SERPINI1: variants seen among roughly 807,000 people sequenced by gnomAD.
SERPINI1 encodes the protein neuroserpin.
SERPINI1 carries 19 observed loss-of-function variants against 41.1 expected under a neutral mutation model. The ratio of observed to expected loss-of-function variants is 0.46; its 90% CI spans 0.32 to 0.68. The LOEUF (loss-of-function observed/expected upper bound fraction) is 0.68, where lower values mean the gene tolerates loss of function less well. Among genes scored for constraint, SERPINI1 ranks in the 30% least tolerant of loss-of-function variants. The pLI is 0.03. For synonymous variants in SERPINI1, 138 were observed against 156.6 expected, an observed-to-expected ratio of 0.88 and a Z score of 0.89; for missense variants, 460 against 479.2, an observed-to-expected ratio of 0.96 and a Z score of 0.37.
At chr3:167,775,997 A>G (rs1468935874) in intron 1 of SERPINI1, among the ~76,000 whole-genome samples, 1 of 152,202 alleles carries the variant, frequency 6.6e-6, no homozygotes, top group African/African-American at 2.4e-5. Flanking sequence ...TCTCACCTAC[A>G]AAATGGGGGG....
At chr3:167,798,438 T>C (rs1304445843) in intron 5 of SERPINI1, among the ~76,000 whole-genome samples, 1 of 152,182 alleles carries the variant, frequency 6.6e-6, no homozygotes, top group Non-Finnish European at 1.5e-5. Context: ...TATGTTACAA[T>C]AATCAGTGTG....
At chr3:167,788,634 A>G (rs1015931819) in intron 1 of SERPINI1, among the ~76,000 whole-genome samples, 2 of 152,212 alleles carry the variant, frequency 1.3e-5, no homozygotes, top group South Asian at 2.1e-4. Flanking sequence ...TGAGGCAGGT[A>G]TATGTCTGAT....
At chr3:167,766,547 G>A (rs1726574341) in intron 1 of SERPINI1, among the ~76,000 whole-genome samples, 1 of 152,210 alleles carries the variant, frequency 6.6e-6, no homozygotes, top group African/African-American at 2.4e-5. Flanking sequence ...CCATATCAGT[G>A]AGGAAGGCAT....
rs138644986 is a variant in SERPINI1, at chr3:167,789,176, T to A, written c.48T>A (p.Ala16=). 7.4e-6 allele frequency: 12 copies of A among 1,614,062 alleles called. No homozygotes were observed. The highest frequency in any genetic ancestry group is 1.3e-5 in the African/African-American group (1 of 74,944). ...LFSLLVLQSM[A]TGATFPEEAI... The stretch of plus-strand genomic sequence containing the variant: ...CTTTGCTGGTTCTGCAAAGTATGGC[T>A]ACAGGGGCCACTTTCCCTGAGGAAG... The change falls in exon 2 of 9, where the codon GCT becomes GCA. Residue 16 remains alanine, a synonymous_variant. Transcript: ENST00000446050.
chr3:167,756,994 A>G (rs1726212851), intron 1 of SERPINI1, among the ~76,000 whole-genome samples: 1 of 152,264 alleles, frequency 6.6e-6, no homozygotes, highest in Non-Finnish European at 1.5e-5. Context: ...TGTGAAATTC[A>G]GTGAGTAATA....
intron 1 of SERPINI1, among the ~76,000 whole-genome samples, chr3:167,787,116 C>T (rs1194714910): frequency 3.3e-5 from 5 of 152,130 alleles, no homozygotes; most frequent in Admixed American, 2.0e-4. Context: ...CAGGCCTGCA[C>T]ATGATCAGGT....
At chr3:167,750,736 G>A (rs1050269027) in intron 1 of SERPINI1, among the ~76,000 whole-genome samples, 4 of 152,054 alleles carry the variant, frequency 2.6e-5, no homozygotes, top group African/African-American at 7.2e-5. Context: ...AATCATATAG[G>A]TTATTTCAGG....
In SERPINI1 at chr3:167,790,721, A is replaced by G. The variant is rs949493297; in HGVS notation, c.481+119A>G. On this transcript the variant is annotated intron_variant, in intron 3 of 8. Coordinates refer to ENST00000446050, the MANE Select transcript of SERPINI1 (RefSeq NM_001122752.2). ...AATGTTTGAGAGCATTTAGTTGGGT[A>G]TCTAATAATTATTTTGTATAGATTA... 6.6e-5 allele frequency: 49 copies of G among 738,014 alleles called. No homozygotes were observed. In the Admixed American group the frequency reaches 1.1e-3, roughly 16 times the overall value. The allele number at this position is 738,014 out of a possible 1,614,324, so 45.7% of individuals were successfully genotyped here.
intron 1 of SERPINI1, among the ~76,000 whole-genome samples, chr3:167,769,979 G>GT (rs67548059): frequency 0.1 from 12,586 of 122,796 alleles, 735 homozygotes; most frequent in South Asian, 0.15. Context: ...GTAGTTACAT[G>GT]TTTTTTTTTT....
chr3:167,764,481 G>A (rs1388961555), intron 1 of SERPINI1, among the ~76,000 whole-genome samples: 1 of 152,134 alleles, frequency 6.6e-6, no homozygotes, highest in Admixed American at 6.5e-5. Flanking sequence ...CATGAGAACA[G>A]CATTGGAAAG....
intron 5 of SERPINI1, among the ~76,000 whole-genome samples, chr3:167,802,480 A>G (rs904618146): frequency 1.1e-4 from 16 of 151,094 alleles, no homozygotes; most frequent in South Asian, 4.2e-4. Context: ...ATGAACAGAC[A>G]CTTCTCAAAA....
At chr3:167,788,581 A>G (rs1727390070) in intron 1 of SERPINI1, among the ~76,000 whole-genome samples, 1 of 152,144 alleles carries the variant, frequency 6.6e-6, no homozygotes, top group South Asian at 2.1e-4. Flanking sequence ...CTGGTTTACC[A>G]CTTCCTGTGG....
Position 167,773,831 on chromosome 3 carries a change from A to G in SERPINI1, c.-18-15280A>G, listed in dbSNP as rs79618608. Among the ~76,000 whole-genome samples the G allele has an allele frequency of 2.1e-3, 323 of 152,350 alleles. 1 individual carries two copies. The highest frequency in any genetic ancestry group is 5.3e-3 in the African/African-American group (221 of 41,584). Reference sequence around the variant, plus strand: ...ACAAAACAGTAAAATTACTTTTGACACATTCTTTGTTACTTTGACTTTCAC... The same window carrying G: ...ACAAAACAGTAAAATTACTTTTGACGCATTCTTTGTTACTTTGACTTTCAC... On this transcript the variant is annotated intron_variant, in intron 1 of 8. Transcript: ENST00000446050.
Position 167,765,690 on chromosome 3 carries a change from G to A in SERPINI1, c.-18-23421G>A, listed in dbSNP as rs111285557. Among the ~76,000 whole-genome samples the A allele has an allele frequency of 9.1e-4, 138 of 152,284 alleles. 1 individual carries two copies. Among genetic ancestry groups the A allele is most frequent in the African/African-American group, 3.1e-3 (129 of 41,546 alleles). On this transcript the variant is annotated intron_variant, in intron 1 of 8. Coordinates refer to ENST00000446050, the MANE Select transcript of SERPINI1 (RefSeq NM_001122752.2). ...AAAAAATAGAATTTTCTTTTCTATA[G>A]CATTGTCAGGCTGCAAATTTTCTGA...
chr3:167,750,357 A>G (rs754670365), intron 1 of SERPINI1, among the ~76,000 whole-genome samples: 16 of 152,198 alleles, frequency 1.1e-4, no homozygotes, highest in Non-Finnish European at 2.1e-4. Flanking sequence ...TATGAGAAAT[A>G]TTTTTTCAGC....
chr3:167,776,936 T>A (rs1726985157), intron 1 of SERPINI1, among the ~76,000 whole-genome samples: 1 of 152,208 alleles, frequency 6.6e-6, no homozygotes, highest in Admixed American at 6.5e-5. Flanking sequence ...GACTCTGTCC[T>A]TGACCTACTT....
chr3:167,763,844 TA>T lies in SERPINI1; in HGVS notation c.-18-25266del, dbSNP rs113914294. Among the ~76,000 whole-genome samples, 1,108 of 152,272 alleles carry T rather than the reference TA, an allele frequency of 7.3e-3. 13 individuals are homozygous for T. Among genetic ancestry groups the T allele is most frequent in the African/African-American group, 0.025 (1,041 of 41,540 alleles). Reference sequence around the variant, plus strand: ...ACTCAGAAGTGCCAGGTTTGAGAAATAGTTGTATTGTCTCTCTTTTTAATAA... The same window carrying T: ...ACTCAGAAGTGCCAGGTTTGAGAAATGTTGTATTGTCTCTCTTTTTAATAA... On this transcript the variant is annotated intron_variant, in intron 1 of 8. Coordinates refer to ENST00000446050, the MANE Select transcript of SERPINI1 (RefSeq NM_001122752.2).
intron 1 of SERPINI1, among the ~76,000 whole-genome samples, chr3:167,746,536 CATAA>C (rs1411682400): frequency 1.3e-5 from 2 of 152,044 alleles, no homozygotes; most frequent in African/African-American, 4.8e-5. Context: ...ATGCAGAGCT[CATAA>C]ATAACTTATA....
intron 1 of SERPINI1, among the ~76,000 whole-genome samples, chr3:167,781,027 CTA>C (rs1251281096): frequency 1.3e-5 from 2 of 151,952 alleles, no homozygotes; most frequent in Non-Finnish European, 2.9e-5. Context: ...GGAAGGAACA[CTA>C]TGCATGAGGA....
Sources: gnomAD v4.1 joint callset for allele counts (sites outside exome capture counted in the v4.1 genomes callset) on GRCh38, gnomAD v4.1.1 for gene constraint, MANE v1.5 for transcripts, NCBI Gene and HGNC (gene_info 2026-07-23, HGNC 2026-07-21) for gene names.